The following KLHDC4 variants were observed in gnomAD, a reference collection of about 807,000 sequenced individuals.
The protein encoded by KLHDC4 is kelch domain containing 4, also known as kelch domain-containing protein 4.
A neutral mutation model predicts 62.4 loss-of-function variants in KLHDC4; 90 were observed. That is an observed-to-expected ratio of 1.44 (90% CI 1.22 to 1.72). The LOEUF (loss-of-function observed/expected upper bound fraction) is 1.72. Ranked by LOEUF, KLHDC4 falls within the 40% of genes most tolerant of loss-of-function variation. The pLI, the probability that KLHDC4 is intolerant of heterozygous loss-of-function variation, is 0.00. For synonymous variants in KLHDC4, 386 were observed against 284.4 expected (o/e 1.36, Z -3.59); for missense variants, 1,025 against 699.7 (o/e 1.47, Z -5.25).
chr16:87,708,138 G>C, intron 11 of KLHDC4, 63 bp from the exon 12 acceptor site: 1 of 659,932 alleles, frequency 1.5e-6, no homozygotes, highest in South Asian at 1.6e-5. Flanking sequence ...GGCCCGTGCA[G>C]GAGGGGTAGA....
At chr16:87,702,539 C>T (rs907010214) in exon 1 of KLHDC4, 3 of 354,256 alleles carry the variant, frequency 8.5e-6, no homozygotes, top group East Asian at 1.5e-4. Flanking sequence ...CGGGGGCAGG[C>T]GCCCCCTCCT....
rs754854798 is a variant in KLHDC4, at chr16:87,755,264, T to C, written c.299A>G (p.Tyr100Cys). ...KTFLYNELYV[Y>C]NTRKDTWTKV... ...GGTCCAGGTGTCCTTTCTGGTATTGTAGACATAGAGCTCGTTATACAAAAA... is the reference window on the plus strand; with the variant it reads ...GGTCCAGGTGTCCTTTCTGGTATTGCAGACATAGAGCTCGTTATACAAAAA... Residue 100 changes from tyrosine to cysteine, a missense_variant, in exon 4 of 12, where the codon TAC (tyrosine) becomes TGC (cysteine). Physicochemically the swap from Tyr to Cys is radical, Grantham distance 194. Coordinates refer to ENST00000270583, the MANE Select transcript of KLHDC4 (RefSeq NM_017566.4). 2.5e-6 allele frequency: 4 copies of C among 1,606,586 alleles called. No homozygotes were observed. The highest frequency in any genetic ancestry group is 1.7e-5 in the Admixed American group (1 of 59,942).
At chr16:87,746,835 C>A (rs978725210) in intron 5 of KLHDC4, among the ~76,000 whole-genome samples, 2 of 152,182 alleles carry the variant, frequency 1.3e-5, no homozygotes, top group Non-Finnish European at 2.9e-5. Flanking sequence ...CTACAATATA[C>A]CTTTAAAACA....
intron 7 of KLHDC4, among the ~76,000 whole-genome samples, chr16:87,719,148 C>T (rs1311280699): frequency 4.6e-5 from 7 of 152,120 alleles, no homozygotes; most frequent in South Asian, 2.1e-4. Flanking sequence ...TCTTCCCGGC[C>T]GCCACCCCGT....
intron 5 of KLHDC4, among the ~76,000 whole-genome samples, chr16:87,736,248 G>A (rs1029584757): frequency 1.3e-5 from 2 of 152,180 alleles, no homozygotes; most frequent in Non-Finnish European, 2.9e-5. Context: ...CTAAGCCACT[G>A]TAACACAATG....
Position 87,713,844 on chromosome 16 carries a change from A to C in KLHDC4, c.835+654T>G, listed in dbSNP as rs149134630. ...GATGATTGTTCCCCTGTGCTTTAGT[A>C]AGAAAATTTTGATTCTTAGATCCCA... On this transcript the variant is annotated intron_variant, in intron 8 of 11. Coordinates refer to ENST00000270583, the MANE Select transcript of KLHDC4 (RefSeq NM_017566.4). 1.6e-3 allele frequency among the ~76,000 whole-genome samples: 239 copies of C among 152,324 alleles called. 1 individual carries two copies. Among genetic ancestry groups the C allele is most frequent in the African/African-American group, 5.4e-3 (225 of 41,580 alleles).
chr16:87,763,858 T>C (rs574082741), intron 1 of KLHDC4, among the ~76,000 whole-genome samples: 98 of 152,136 alleles, frequency 6.4e-4, no homozygotes, highest in Non-Finnish European at 9.4e-4. Context: ...CTCTCCAAAG[T>C]GACAATAAGC....
Position 87,762,034 on chromosome 16 carries a change from G to C in KLHDC4, c.106C>G (p.Leu36Val). 6.2e-7 allele frequency: 1 copy of C among 1,613,624 alleles called. No individual in the cohort carries two copies. The highest frequency in any genetic ancestry group is 8.5e-7 in the Non-Finnish European group (1 of 1,179,780). ...SKRSRKEEEDLEALIAHFQTL... is the reference protein window; with the variant it reads ...SKRSRKEEEDVEALIAHFQTL... ...TGGAAATGGGCTATGAGCGCTTCCA[G>C]GTCTTCCTAGGGCAAGCAAGCAGGC... The change falls in exon 2 of 12, where the codon CTG becomes GTG. Residue 36 changes from leucine (L) to valine (V), a missense_variant. Leu to Val is a conservative substitution (Grantham distance 32). Transcript: ENST00000270583.
At chr16:87,707,656 G>A (rs554330203), downstream of KLHDC4, among the ~76,000 whole-genome samples, 115 of 152,254 alleles carry the variant, frequency 7.6e-4, no homozygotes, top group Admixed American at 1.1e-3. Context: ...CCGGGGTTTC[G>A]GGCACAGAAA....
At chr16:87,758,770 T>G (rs997648054) in intron 2 of KLHDC4, among the ~76,000 whole-genome samples, 3 of 152,248 alleles carry the variant, frequency 2.0e-5, no homozygotes, top group African/African-American at 7.2e-5. Context: ...TAGACAAGGT[T>G]GGTCTAGAGT....
chr16:87,751,478 A>G (rs1216396456), intron 4 of KLHDC4, among the ~76,000 whole-genome samples: 7 of 117,814 alleles, frequency 5.9e-5, no homozygotes, highest in Admixed American at 5.8e-4. Flanking sequence ...CATCTCAAAA[A>G]AAAAAGAAAA....
At chr16:87,721,102 A>C (rs1289222543) in intron 7 of KLHDC4, among the ~76,000 whole-genome samples, 2 of 152,192 alleles carry the variant, frequency 1.3e-5, no homozygotes, top group Non-Finnish European at 2.9e-5. Context: ...CCAAGACTGA[A>C]CATTTTCAGC....
rs145504801 is a variant in KLHDC4, at chr16:87,723,726, C to T, written c.759+3039G>A. On this transcript the variant is annotated intron_variant, in intron 7 of 11. Transcript: ENST00000270583. The stretch of plus-strand genomic sequence containing the variant: ...ATTAAAAGGCTGAAATCCTTTATTG[C>T]CAAGGCAGCAGAATGAACGTGGATC... Among the ~76,000 whole-genome samples the T allele has an allele frequency of 3.9e-5, 6 of 152,380 alleles. No homozygotes were observed. In the East Asian group the frequency reaches 1.2e-3, roughly 29 times the overall value.
chr16:87,712,073 C>T (rs921227361), intron 8 of KLHDC4, among the ~76,000 whole-genome samples: 33 of 144,356 alleles, frequency 2.3e-4, no homozygotes, highest in Non-Finnish European at 4.6e-4. Flanking sequence ...GTGTGGCCAG[C>T]GAGGAGCCTT....
chr16:87,725,608 C>T (rs374790576), intron 7 of KLHDC4, among the ~76,000 whole-genome samples: 22 of 152,300 alleles, frequency 1.4e-4, no homozygotes, highest in East Asian at 7.7e-4. Flanking sequence ...CTACTTCATA[C>T]CTCTCAGATT....
Position 87,756,440 on chromosome 16 carries a change from C to A in KLHDC4, c.229G>T (p.Glu77Ter). ...ASLSVHPEKD[E>*]LILFGGEYFN... ...TATTCACCTCCAAAAAGGATTAACT[C>A]ATCTTTCTCAGGATGAACCGAGAGG... Residue 77 changes from glutamate (E) to a stop codon, truncating the protein, a stop_gained, in exon 3 of 12, where the codon GAG (glutamate) becomes TAG (stop). Coordinates refer to ENST00000270583, the MANE Select transcript of KLHDC4 (RefSeq NM_017566.4). LOFTEE classifies it high-confidence loss of function. 6.2e-7 allele frequency: 1 copy of A among 1,614,028 alleles called. No individual in the cohort carries two copies. Among genetic ancestry groups the A allele is most frequent in the East Asian group, 2.2e-5 (1 of 44,884 alleles).
intron 9 of KLHDC4, chr16:87,709,886 G>T (rs939959037): frequency 1.9e-5 from 11 of 587,980 alleles, no homozygotes; most frequent in Non-Finnish European, 3.2e-5. Context: ...CTCCTGGGCT[G>T]GGGCAGAAAA....
intron 4 of KLHDC4, among the ~76,000 whole-genome samples, chr16:87,753,617 T>C (rs545863555): frequency 8.6e-5 from 13 of 150,934 alleles, no homozygotes; most frequent in African/African-American, 2.5e-4. Context: ...CTGGCCAACA[T>C]GGTGAAACCC....
chr16:87,747,227 G>T (rs557500249), intron 5 of KLHDC4, among the ~76,000 whole-genome samples: 1 of 152,348 alleles, frequency 6.6e-6, no homozygotes, highest in South Asian at 2.1e-4. Context: ...TTGCTGGGTT[G>T]GGTGCTGGGT....
Sources: gnomAD v4.1 joint callset for allele counts (sites outside exome capture counted in the v4.1 genomes callset) on GRCh38, gnomAD v4.1.1 for gene constraint, MANE v1.5 for transcripts, NCBI Gene and HGNC (gene_info 2026-07-23, HGNC 2026-07-21) for gene names.